The following SLC38A9 variants were observed in gnomAD, a reference collection of about 807,000 sequenced individuals.
SLC38A9 encodes the protein neutral amino acid transporter 9.
SLC38A9 carries 48 observed loss-of-function variants against 62.3 expected under a neutral mutation model. That is an observed-to-expected ratio of 0.77 (90% CI 0.61 to 0.98). The LOEUF (loss-of-function observed/expected upper bound fraction) is 0.98. Ranked by LOEUF, SLC38A9 falls within the 50% of genes least tolerant of loss-of-function variation. The pLI, the probability that SLC38A9 is intolerant of heterozygous loss-of-function variation, is 0.00. For missense variants in SLC38A9, 541 were observed against 679.8 expected (o/e 0.80, Z 2.27); for synonymous variants, 204 against 227.7 (o/e 0.90, Z 0.94).
intron 8 of SLC38A9, among the ~76,000 whole-genome samples, chr5:55,658,505 C>T (rs926843386): frequency 6.6e-6 from 1 of 152,116 alleles, no homozygotes; most frequent in African/African-American, 2.4e-5. Context: ...GGGAAGAAGG[C>T]CATGTGAAGA....
At chr5:55,698,073 A>G in intron 2 of SLC38A9, 81 bp from the exon 3 acceptor site, 1 of 574,154 alleles carries the variant, frequency 1.7e-6, no homozygotes, top group Non-Finnish European at 3.0e-6. Flanking sequence ...TGAATAACAA[A>G]TTGGAAAAAT....
At chr5:55,656,515 C>T (rs1248526023) in intron 9 of SLC38A9, among the ~76,000 whole-genome samples, 200 bp downstream of exon 9, 1 of 152,028 alleles carries the variant, frequency 6.6e-6, no homozygotes, top group Non-Finnish European at 1.5e-5. Context: ...TTAATACAAC[C>T]TATTGCTTGG....
intron 12 of SLC38A9, among the ~76,000 whole-genome samples, chr5:55,644,181 G>A (rs1008612154): frequency 3.9e-5 from 6 of 151,988 alleles, no homozygotes; most frequent in Non-Finnish European, 8.8e-5. Context: ...GGCTGGTCTC[G>A]AACACCTGGC....
At chr5:55,664,475 T>G in intron 8 of SLC38A9, 1 of 257,702 alleles carries the variant, frequency 3.9e-6, no homozygotes, top group Non-Finnish European at 7.3e-6. Context: ...TTTGGAGGAA[T>G]ATTATTCCTT....
rs1326777652 is a variant in SLC38A9 at position 55,626,354 on chromosome 5, C to T, written c.*140G>A. The T allele has an allele frequency of 1.4e-6, 1 of 730,830 alleles. No individual in the cohort carries two copies. Among genetic ancestry groups the T allele is most frequent in the Admixed American group, 3.0e-5 (1 of 33,784 alleles). The allele number at this position is 730,830 out of a possible 1,614,324, so 45.3% of individuals were successfully genotyped here. A position where few individuals can be genotyped will look rare whatever the true frequency, so the allele number is the denominator to read the frequency against. Reference sequence around the variant, plus strand: ...CAATAAAAAAATACTCATTAAGGGGCCACTATTTCCCTTGCTTTCAAATTA... The same window carrying T: ...CAATAAAAAAATACTCATTAAGGGGTCACTATTTCCCTTGCTTTCAAATTA... On this transcript the variant is annotated 3_prime_UTR_variant, in exon 16 of 16. Coordinates refer to ENST00000396865, the MANE Select transcript of SLC38A9 (RefSeq NM_173514.4).
chr5:55,659,988 G>A (rs1466979701), intron 8 of SLC38A9, among the ~76,000 whole-genome samples: 2 of 149,628 alleles, frequency 1.3e-5, no homozygotes, highest in Non-Finnish European at 3.0e-5. Context: ...AGATGGTCTC[G>A]GTCTCCTGAC....
chr5:55,702,353 T>C (rs979192803), intron 2 of SLC38A9, among the ~76,000 whole-genome samples: 2 of 151,932 alleles, frequency 1.3e-5, no homozygotes, highest in African/African-American at 2.4e-5. Context: ...CCGCGACCTC[T>C]TGGGCTCCAG....
At chr5:55,656,811 T>C in intron 8 of SLC38A9, 37 bp from the exon 9 acceptor site, 1 of 1,078,688 alleles carries the variant, frequency 9.3e-7, no homozygotes, top group Non-Finnish European at 1.4e-6. Flanking sequence ...TAACACTGAA[T>C]GAAAGACACT....
chr5:55,691,396 T>G (rs893447085), intron 3 of SLC38A9: 1 of 1,306,062 alleles, frequency 7.7e-7, no homozygotes, highest in Non-Finnish European at 9.8e-7. Flanking sequence ...ATTCCTGCCC[T>G]GGGTAATACT....
At chr5:55,649,180 A>G in intron 11 of SLC38A9, 27 bp downstream of exon 11, 1 of 1,294,288 alleles carries the variant, frequency 7.7e-7, no homozygotes, top group South Asian at 1.4e-5. Flanking sequence ...ACATTATTAT[A>G]ATTTATTATT....
intron 13 of SLC38A9, 75 bp downstream of exon 13, chr5:55,635,469 C>A: frequency 1.9e-6 from 2 of 1,062,198 alleles, no homozygotes; most frequent in Non-Finnish European, 1.5e-6. Context: ...TTATATCTTG[C>A]CACTGTATCA....
At chr5:55,679,229 GA>G (rs887527249) in intron 3 of SLC38A9, among the ~76,000 whole-genome samples, 4 of 151,968 alleles carry the variant, frequency 2.6e-5, no homozygotes, top group African/African-American at 9.7e-5. Flanking sequence ...ATTTTTTTAA[GA>G]TTGTTATTTT....
At position 55,635,666 on chromosome 5, in the gene SLC38A9, A is replaced by G; in HGVS notation, c.1168-9T>C. ...ATGCACAAGTCCCTCACCTGTAAATACAGAACAAAAGTCCCATAATACTGA... is the reference window on the plus strand; with the variant it reads ...ATGCACAAGTCCCTCACCTGTAAATGCAGAACAAAAGTCCCATAATACTGA... On this transcript the variant is annotated splice_polypyrimidine_tract_variant and intron_variant, in intron 12 of 15. Coordinates refer to ENST00000396865, the MANE Select transcript of SLC38A9 (RefSeq NM_173514.4). The G allele has an allele frequency of 6.3e-7, 1 of 1,586,162 alleles. No homozygotes were observed. Among genetic ancestry groups the G allele is most frequent in the East Asian group, 2.2e-5 (1 of 44,720 alleles).
intron 9 of SLC38A9, among the ~76,000 whole-genome samples, chr5:55,653,847 C>T (rs1277117066): frequency 1.3e-5 from 2 of 151,958 alleles, no homozygotes; most frequent in African/African-American, 2.4e-5. Context: ...TTAGTAGAGA[C>T]GGGGTTTCAC....
intron 9 of SLC38A9, among the ~76,000 whole-genome samples, chr5:55,655,084 C>T (rs1057167174): frequency 1.3e-5 from 2 of 152,188 alleles, no homozygotes; most frequent in African/African-American, 4.8e-5. Context: ...AAGCAATCCT[C>T]CTGCCTCGGC....
chr5:55,649,869 T>C (rs1747081374), intron 10 of SLC38A9, among the ~76,000 whole-genome samples: 1 of 151,954 alleles, frequency 6.6e-6, no homozygotes, highest in Admixed American at 6.6e-5. Context: ...TGAAGGTAGC[T>C]CATACAATGC....
chr5:55,645,645 G>A, intron 12 of SLC38A9, 144 bp downstream of exon 12: 1 of 645,358 alleles, frequency 1.5e-6, no homozygotes, highest in South Asian at 1.9e-5. Flanking sequence ...ATTTGCTGAC[G>A]ACTGCTCTAT....
At chr5:55,634,804 A>G (rs1009491161) in intron 13 of SLC38A9, 3 of 152,248 alleles carry the variant, frequency 2.0e-5, no homozygotes, top group Non-Finnish European at 4.4e-5. Context: ...TATAAGAGGA[A>G]TTTCTTCTGA....
intron 2 of SLC38A9, among the ~76,000 whole-genome samples, chr5:55,699,417 T>C (rs189300737): frequency 5.9e-5 from 9 of 152,314 alleles, no homozygotes; most frequent in East Asian, 1.9e-4. Context: ...AGGTAACCAA[T>C]AGAAGCAAAT....
Sources: allele counts gnomAD v4.1 joint callset (sites outside exome capture counted in the v4.1 genomes callset), GRCh38; gene constraint gnomAD v4.1.1; transcripts MANE v1.5; gene names NCBI Gene and HGNC (gene_info 2026-07-23, HGNC 2026-07-21).